The following NRG3 variants were observed in gnomAD, a reference collection of about 807,000 sequenced individuals.
NRG3 encodes the protein pro-neuregulin-3, membrane-bound isoform.
In NRG3, 31 loss-of-function variants were observed where a neutral mutation model predicts 66.9. The observed-to-expected ratio is 0.46, with a 90% CI of 0.35 to 0.63. The LOEUF (loss-of-function observed/expected upper bound fraction) is 0.63. NRG3 is among the 20% of genes least tolerant of loss of function. The probability of loss-of-function intolerance (pLI) is 0.00; values close to 1 mark genes in which losing one functional copy is unlikely to be tolerated. For missense variants in NRG3, 910 were observed against 878.9 expected (o/e 1.04, Z -0.45); for synonymous variants, 393 against 359.4 (o/e 1.09, Z -1.06).
intron 1 of NRG3, among the ~76,000 whole-genome samples, chr10:82,158,631 G>T (rs2071354059): frequency 6.6e-6 from 1 of 151,736 alleles, no homozygotes; most frequent in African/African-American, 2.4e-5. Context: ...GTTGTGTTGA[G>T]GAGTTTGCAA....
intron 2 of NRG3, among the ~76,000 whole-genome samples, chr10:82,485,044 G>T (rs1230694494): frequency 6.6e-6 from 1 of 152,136 alleles, no homozygotes; most frequent in East Asian, 1.9e-4. Context: ...GTATGCTGCA[G>T]TATGAACAAG....
At chr10:82,377,457 T>TGTGCGCGC (rs57900993) in intron 2 of NRG3, among the ~76,000 whole-genome samples, 107 of 150,460 alleles carry the variant, frequency 7.1e-4, no homozygotes, top group African/African-American at 2.2e-3. Flanking sequence ...TGTGTGTGTG[T>TGTGCGCGC]GCGCGAGCGC....
chr10:82,574,101 C>T (rs1359457613), intron 2 of NRG3, among the ~76,000 whole-genome samples: 2 of 151,748 alleles, frequency 1.3e-5, no homozygotes, highest in African/African-American at 2.4e-5. Context: ...TATGGCAGCA[C>T]TATTCACAAC....
chr10:82,294,143 T>C (rs191573390), intron 1 of NRG3, among the ~76,000 whole-genome samples: 45 of 152,302 alleles, frequency 3.0e-4, no homozygotes, highest in Admixed American at 2.7e-3. Context: ...GCCCTGGACA[T>C]GCATTCTAAC....
At chr10:82,218,279 T>C (rs901593626) in intron 1 of NRG3, among the ~76,000 whole-genome samples, 1 of 152,228 alleles carries the variant, frequency 6.6e-6, no homozygotes, top group Admixed American at 6.5e-5. Context: ...GTCTTCCTGA[T>C]ACTAATATTT....
chr10:82,490,960 A>T (rs1399360786), intron 2 of NRG3, among the ~76,000 whole-genome samples: 3 of 152,002 alleles, frequency 2.0e-5, no homozygotes, highest in Admixed American at 1.3e-4. Context: ...CGTGACCAAA[A>T]TGTGTCCCGT....
At chr10:82,950,673 A>C (rs72832006) in intron 4 of NRG3, among the ~76,000 whole-genome samples, 7,224 of 152,284 alleles carry the variant, frequency 0.047, 231 homozygotes, top group East Asian at 0.12. Context: ...TGTCCTATAT[A>C]AACAGAAAGA....
intron 2 of NRG3, among the ~76,000 whole-genome samples, chr10:82,632,014 A>C (rs1002608687): frequency 6.6e-6 from 1 of 152,104 alleles, no homozygotes; most frequent in African/African-American, 2.4e-5. Context: ...AGGCAGAAGA[A>C]TCACTTGAAC....
At chr10:82,227,021 T>C (rs934938618) in intron 1 of NRG3, among the ~76,000 whole-genome samples, 1 of 152,222 alleles carries the variant, frequency 6.6e-6, no homozygotes, top group Non-Finnish European at 1.5e-5. Context: ...TTGCTTGCCT[T>C]CTTGTGAATC....
At chr10:82,677,496 G>A (rs962235306) in intron 2 of NRG3, among the ~76,000 whole-genome samples, 3 of 152,122 alleles carry the variant, frequency 2.0e-5, no homozygotes, top group Non-Finnish European at 2.9e-5. Flanking sequence ...ATAGAAAAAT[G>A]AAACTCTTGC....
intron 1 of NRG3, among the ~76,000 whole-genome samples, chr10:81,902,215 C>T (rs576297026): frequency 1.3e-5 from 2 of 152,210 alleles, no homozygotes; most frequent in Admixed American, 6.5e-5. Flanking sequence ...TTCCTGAGCT[C>T]AAGATTTCCT....
intron 4 of NRG3, among the ~76,000 whole-genome samples, chr10:82,935,293 CATTTCTTTCATATG>C (rs1338586393): frequency 4.6e-5 from 7 of 152,082 alleles, no homozygotes; most frequent in Non-Finnish European, 8.8e-5. Flanking sequence ...CATTTTATTT[CATTTCTTTCATATG>C]ATTTCTTCTT....
At chr10:82,500,440 T>C (rs1844063920) in intron 2 of NRG3, among the ~76,000 whole-genome samples, 1 of 152,218 alleles carries the variant, frequency 6.6e-6, no homozygotes, top group African/African-American at 2.4e-5. Flanking sequence ...GATCCGTCCA[T>C]TTCTCTCCAT....
intron 1 of NRG3, among the ~76,000 whole-genome samples, chr10:82,307,783 CTTCTA>C (rs1320523848): frequency 6.6e-6 from 1 of 150,736 alleles, no homozygotes; most frequent in Middle Eastern, 3.2e-3. Context: ...TTAAAAAAAT[CTTCTA>C]TTTTAATTAT....
intron 3 of NRG3, among the ~76,000 whole-genome samples, chr10:82,814,222 T>C (rs1018333638): frequency 1.3e-5 from 2 of 152,266 alleles, no homozygotes; most frequent in Non-Finnish European, 2.9e-5. Context: ...GGTCTTTTCA[T>C]TGACCACTAT....
At chr10:82,169,444 A>T (rs1391873256) in intron 1 of NRG3, among the ~76,000 whole-genome samples, 1 of 151,514 alleles carries the variant, frequency 6.6e-6, no homozygotes, top group Non-Finnish European at 1.5e-5. Context: ...GTAACTTTGT[A>T]TCTTTTGTTT....
intron 2 of NRG3, among the ~76,000 whole-genome samples, chr10:82,529,627 GATAAAC>G: frequency 1.3e-5 from 2 of 152,274 alleles, no homozygotes; most frequent in South Asian, 4.1e-4. Context: ...GAAAGTCAAT[GATAAAC>G]ATGTACTTGA....
At chr10:82,095,889 G>A (rs535492465) in intron 1 of NRG3, among the ~76,000 whole-genome samples, 3 of 152,300 alleles carry the variant, frequency 2.0e-5, no homozygotes, top group Non-Finnish European at 4.4e-5. Context: ...GCACTTCAAC[G>A]TGGGGAATCT....
chr10:82,547,122 G>A (rs565276724), intron 2 of NRG3, among the ~76,000 whole-genome samples: 31 of 152,004 alleles, frequency 2.0e-4, no homozygotes, highest in African/African-American at 4.3e-4. Context: ...TTATTCATTC[G>A]TAAAATTATT....
Sources: gnomAD v4.1 joint callset for allele counts (sites outside exome capture counted in the v4.1 genomes callset) on GRCh38, gnomAD v4.1.1 for gene constraint, MANE v1.5 for transcripts, NCBI Gene and HGNC (gene_info 2026-07-23, HGNC 2026-07-21) for gene names.